The following KCTD16 variants were observed in gnomAD, a reference collection of about 807,000 sequenced individuals.
KCTD16 encodes the protein potassium channel tetramerization domain containing 16.
Under a neutral mutation model 33.2 loss-of-function variants are expected in KCTD16, and 13 were observed. The ratio of observed to expected loss-of-function variants is 0.39; its 90% confidence interval spans 0.25 to 0.62. The LOEUF (loss-of-function observed/expected upper bound fraction) is 0.62. KCTD16 is among the 20% of genes least tolerant of loss of function. The pLI, the probability that KCTD16 is intolerant of heterozygous loss-of-function variation, is 0.50. For synonymous variants in KCTD16, 197 were observed against 195.3 expected, an observed-to-expected ratio of 1.01 and a Z score of -0.07; for missense variants, 441 against 525.1, an observed-to-expected ratio of 0.84 and a Z score of 1.57.
intron 3 of KCTD16, among the ~76,000 whole-genome samples, chr5:144,461,577 T>C (rs1411305699): frequency 6.6e-6 from 1 of 152,210 alleles, no homozygotes. Flanking sequence ...ATCTCCTAAC[T>C]GGTCCCTGAC....
chr5:144,246,426 G>C (rs947392502), intron 3 of KCTD16, among the ~76,000 whole-genome samples: 1 of 152,100 alleles, frequency 6.6e-6, no homozygotes, highest in African/African-American at 2.4e-5. Flanking sequence ...TTATTTAGGG[G>C]ACAAAATATT....
chr5:144,251,999 TAAG>T (rs1754713572), intron 3 of KCTD16, among the ~76,000 whole-genome samples: 1 of 152,168 alleles, frequency 6.6e-6, no homozygotes, highest in African/African-American at 2.4e-5. Context: ...TGTGTATATT[TAAG>T]GAGTGCAATG....
chr5:144,194,156 A>G (rs1249078685), intron 2 of KCTD16, among the ~76,000 whole-genome samples: 3 of 152,106 alleles, frequency 2.0e-5, no homozygotes, highest in Non-Finnish European at 4.4e-5. Context: ...TTAGGAAGAA[A>G]GAAGAGAACA....
intron 3 of KCTD16, among the ~76,000 whole-genome samples, chr5:144,441,857 CAA>C (rs762797316): frequency 7.6e-5 from 8 of 104,988 alleles, no homozygotes; most frequent in Admixed American, 2.0e-4. Flanking sequence ...ACAATTTCTG[CAA>C]AAAAAAAAAA....
chr5:144,459,036 G>T (rs1466412843), intron 3 of KCTD16, among the ~76,000 whole-genome samples: 1 of 152,202 alleles, frequency 6.6e-6, no homozygotes, highest in African/African-American at 2.4e-5. Flanking sequence ...AGCCCCAGCA[G>T]GTGCAGATCA....
At chr5:144,457,276 C>G (rs956806377) in intron 3 of KCTD16, among the ~76,000 whole-genome samples, 3 of 152,224 alleles carry the variant, frequency 2.0e-5, no homozygotes, top group Admixed American at 6.5e-5. Flanking sequence ...TGGTCAGGAG[C>G]TCACAGTCTA....
chr5:144,445,119 C>T (rs1753792884), intron 3 of KCTD16, among the ~76,000 whole-genome samples: 1 of 151,422 alleles, frequency 6.6e-6, no homozygotes, highest in Non-Finnish European at 1.5e-5. Context: ...AATTTTTTGG[C>T]CTACTTTTTA....
intron 3 of KCTD16, among the ~76,000 whole-genome samples, chr5:144,457,650 G>C (rs1289488463): frequency 1.3e-5 from 2 of 152,158 alleles, no homozygotes; most frequent in African/African-American, 4.8e-5. Context: ...GTGCCAATGA[G>C]ATTAAAGTGA....
intron 3 of KCTD16, among the ~76,000 whole-genome samples, chr5:144,294,708 G>A (rs1215730006): frequency 6.6e-6 from 1 of 152,194 alleles, no homozygotes. Context: ...ACAGAATTGA[G>A]TGGGCAGAAC....
intron 3 of KCTD16, among the ~76,000 whole-genome samples, chr5:144,347,561 C>T (rs148430400): frequency 0.013 from 1,934 of 152,276 alleles, 33 homozygotes; most frequent in African/African-American, 0.044. Flanking sequence ...CACCATCGCA[C>T]TCTAGCCTGG....
intron 3 of KCTD16, among the ~76,000 whole-genome samples, chr5:144,365,408 G>T (rs75733879): frequency 0.019 from 2,870 of 152,136 alleles, 80 homozygotes; most frequent in African/African-American, 0.065. Flanking sequence ...AGGGAACTTT[G>T]TGTTCTCAAG....
Position 144,484,344 on chromosome 5 carries a change from T to C in KCTD16, c.*10230T>C, listed in dbSNP as rs150224554. On this transcript the variant is annotated 3_prime_UTR_variant, in exon 4 of 4. Transcript: ENST00000512467. ...AATCTGCTTTAAATGAGTCACTCCT[T>C]AGACTGGCAATGACACCCAGCTTAG... is the stretch of plus-strand genomic sequence containing the variant. 6.6e-6 allele frequency: 1 copy of C among 152,046 alleles called. No homozygotes were observed. The highest frequency in any genetic ancestry group is 1.9e-4 in the East Asian group (1 of 5,136). The allele number at this position is 152,046 out of a possible 1,614,324, so 9.4% of individuals were successfully genotyped here. A position where few individuals can be genotyped will look rare whatever the true frequency, so the allele number is the denominator to read the frequency against.
At chr5:144,359,597 A>G (rs958692661) in intron 3 of KCTD16, among the ~76,000 whole-genome samples, 2 of 151,520 alleles carry the variant, frequency 1.3e-5, no homozygotes, top group Admixed American at 1.3e-4. Flanking sequence ...AGTGGGGGCA[A>G]TATGACCCCT....
At chr5:144,375,967 G>T (rs1221548965) in intron 3 of KCTD16, among the ~76,000 whole-genome samples, 1 of 151,960 alleles carries the variant, frequency 6.6e-6, no homozygotes, top group Non-Finnish European at 1.5e-5. Context: ...TGAATTACAG[G>T]CACGAGCCGC....
At chr5:144,187,975 G>A (rs1752763074) in intron 2 of KCTD16, among the ~76,000 whole-genome samples, 1 of 152,152 alleles carries the variant, frequency 6.6e-6, no homozygotes, top group South Asian at 2.1e-4. Flanking sequence ...GGTTAATCTA[G>A]TAGACAGCAC....
chr5:144,234,611 A>G (rs1754198476), intron 3 of KCTD16, among the ~76,000 whole-genome samples: 1 of 152,124 alleles, frequency 6.6e-6, no homozygotes, highest in Non-Finnish European at 1.5e-5. Flanking sequence ...ATGAGGCCGG[A>G]TAAATCACGG....
At position 144,474,629 on chromosome 5, in the gene KCTD16, C is replaced by T. The variant is rs535408159; in HGVS notation, c.*515C>T. On this transcript the variant is annotated 3_prime_UTR_variant, in exon 4 of 4. Coordinates refer to ENST00000512467, the MANE Select transcript of KCTD16 (RefSeq NM_020768.4). ...TATATGTGCCAGTTTATATTGACTC[C>T]GTATGCATGAGTATTTGTGCAACAC... The T allele has an allele frequency of 2.5e-5, 4 of 159,030 alleles. No homozygotes were observed. Among genetic ancestry groups the T allele is most frequent in the East Asian group, 1.9e-4 (1 of 5,374 alleles). 9.9% of individuals were successfully genotyped at this position (159,030 alleles called of 1,614,324 possible).
chr5:144,394,063 C>A (rs1752512850), intron 3 of KCTD16, among the ~76,000 whole-genome samples: 4 of 149,818 alleles, frequency 2.7e-5, no homozygotes, highest in Admixed American at 2.7e-4. Flanking sequence ...ATTGGCAGCT[C>A]CCCCTGTCGT....
intron 3 of KCTD16, among the ~76,000 whole-genome samples, chr5:144,414,595 T>C (rs1753005284): frequency 3.9e-5 from 6 of 152,174 alleles, no homozygotes; most frequent in Admixed American, 3.9e-4. Context: ...ATAAATACAT[T>C]TCAGAATATC....
Sources: gnomAD v4.1 joint callset for allele counts (sites outside exome capture counted in the v4.1 genomes callset) on GRCh38, gnomAD v4.1.1 for gene constraint, MANE v1.5 for transcripts, NCBI Gene and HGNC (gene_info 2026-07-23, HGNC 2026-07-21) for gene names.